SPAG6: variants seen among roughly 807,000 people sequenced by gnomAD.
SPAG6 encodes sperm-associated antigen 6.
In SPAG6, 49 loss-of-function variants were observed where a neutral mutation model predicts 58.5. The observed-to-expected ratio is 0.84, with a 90% CI of 0.67 to 1.06. The LOEUF (loss-of-function observed/expected upper bound fraction) is 1.06. Ranked by LOEUF, SPAG6 falls within the 50% of genes least tolerant of loss-of-function variation. The probability of loss-of-function intolerance (pLI) is 0.00; values close to 1 mark genes in which losing one functional copy is unlikely to be tolerated. For synonymous variants in SPAG6, 233 were observed against 225.6 expected, an observed-to-expected ratio of 1.03 and a Z score of -0.29; for missense variants, 560 against 611.3, an observed-to-expected ratio of 0.92 and a Z score of 0.89.
chr10:22,403,746 C>CA (rs1834475925), intron 9 of SPAG6, among the ~76,000 whole-genome samples: 1 of 146,314 alleles, frequency 6.8e-6, no homozygotes, highest in African/African-American at 2.6e-5. Context: ...TTTACAGTCC[C>CA]ACCAACAGTG....
chr10:22,387,738 A>T, intron 5 of SPAG6, 85 bp from the exon 6 acceptor site: 1 of 1,318,706 alleles, frequency 7.6e-7, no homozygotes, highest in Non-Finnish European at 1.0e-6. Flanking sequence ...ATTTGAATAT[A>T]TATAAAACTG....
rs777003497 is a variant in SPAG6 at position 22,368,448 on chromosome 10, T to C, written c.289-47T>C. On this transcript the variant is annotated intron_variant, in intron 3 of 10. Transcript: ENST00000376624. ...TTTGGTCTATTTTAGATTTTGGTTT[T>C]CTAAGTACTCAATTCATTTTGAGTT... 1.8e-5 allele frequency: 28 copies of C among 1,558,100 alleles called. No individual in the cohort carries two copies. In the South Asian group the frequency reaches 3.2e-4, roughly 18 times the overall value.
Position 22,386,962 on chromosome 10 carries a change from A to G in SPAG6, c.678+3A>G. The G allele has an allele frequency of 1.2e-6, 2 of 1,609,988 alleles. No individual in the cohort carries two copies. The highest frequency in any genetic ancestry group is 1.7e-5 in the Admixed American group (1 of 59,954). On this transcript the variant is annotated splice_donor_region_variant and intron_variant, in intron 5 of 10. Coordinates refer to ENST00000376624, the MANE Select transcript of SPAG6 (RefSeq NM_012443.4). ...TGAACCCTGATGCTAAATTGAAGGT[A>G]TTTCAAAATAAGGTTGAAAAATACA... is the stretch of plus-strand genomic sequence containing the variant.
intron 4 of SPAG6, among the ~76,000 whole-genome samples, chr10:22,378,122 G>T: frequency 6.9e-6 from 1 of 145,504 alleles, no homozygotes. Context: ...GGAGTGCAGC[G>T]GTGCAATCTC....
intron 4 of SPAG6, among the ~76,000 whole-genome samples, chr10:22,385,556 T>G (rs1289120794): frequency 2.0e-5 from 3 of 152,214 alleles, no homozygotes; most frequent in Admixed American, 6.5e-5. Flanking sequence ...AGCCTGTCAC[T>G]TAATAGCCTT....
At chr10:22,363,738 C>T (rs1200338121) in intron 2 of SPAG6, among the ~76,000 whole-genome samples, 1 of 152,136 alleles carries the variant, frequency 6.6e-6, no homozygotes, top group Admixed American at 6.6e-5. Context: ...TTTCTTTTTG[C>T]TCTATTTCAA....
Position 22,405,292 on chromosome 10 carries a change from T to C in SPAG6, c.1314+4015T>C, listed in dbSNP as rs1281426654. Among the ~76,000 whole-genome samples, 23 of 152,192 alleles carry C rather than the reference T, an allele frequency of 1.5e-4. No individual in the cohort carries two copies. In the East Asian group the frequency reaches 3.5e-3, roughly 23 times the overall value. ...GTGGGTTTGTCATAGATAGCTCTTA[T>C]TATTTTGAGATATGTCCCATCAATA... On this transcript the variant is annotated intron_variant, in intron 9 of 10. Transcript: ENST00000376624.
rs756064630 is a variant in SPAG6, at chr10:22,389,109, TA to T, written c.853-48del. ...GAGTGTGGCAATATTAAACTGTATT[TA>T]AAGACCATCATAGGGTCCTGGTGAT... On this transcript the variant is annotated intron_variant, in intron 6 of 10. Coordinates refer to ENST00000376624, the MANE Select transcript of SPAG6 (RefSeq NM_012443.4). 4 of 1,550,244 alleles carry T rather than the reference TA, an allele frequency of 2.6e-6. No homozygotes were observed. The South Asian group carries it at 3.5e-5, about 14-fold the overall frequency.
Position 22,387,805 on chromosome 10 carries a change from T to G in SPAG6, c.679-18T>G. On this transcript the variant is annotated intron_variant, in intron 5 of 10. Transcript: ENST00000376624. ...CTATATAGTGTTTTGTTGTTGTTGT[T>G]TTTTTTTTGCTTCACAGCATCAGAT... 2 of 1,584,788 alleles carry G rather than the reference T, an allele frequency of 1.3e-6. No individual in the cohort carries two copies. The highest frequency in any genetic ancestry group is 1.7e-6 in the Non-Finnish European group (2 of 1,168,820).
intron 4 of SPAG6, among the ~76,000 whole-genome samples, chr10:22,383,276 A>G (rs1031921243): frequency 5.9e-5 from 9 of 152,162 alleles, no homozygotes; most frequent in African/African-American, 2.2e-4. Context: ...GATTTCTCCT[A>G]TGGGAAGTGA....
intron 4 of SPAG6, among the ~76,000 whole-genome samples, chr10:22,384,252 G>T (rs1351324215): frequency 6.6e-6 from 1 of 152,190 alleles, no homozygotes; most frequent in Admixed American, 6.5e-5. Context: ...GGTATTTTCT[G>T]CTGTGTATCT....
chr10:22,411,875 G>C (rs1243593546), intron 10 of SPAG6, among the ~76,000 whole-genome samples: 1 of 106,186 alleles, frequency 9.4e-6, no homozygotes, highest in East Asian at 2.8e-4. Context: ...TTGAGACAGA[G>C]TCTTGCTCTG....
intron 4 of SPAG6, 140 bp downstream of exon 4, chr10:22,368,818 T>G: frequency 1.7e-6 from 1 of 581,260 alleles, no homozygotes; most frequent in Non-Finnish European, 2.9e-6. Context: ...ACGTTTTGAA[T>G]GATGGCCAAG....
At chr10:22,358,724 T>G (rs1002735856) in intron 2 of SPAG6, among the ~76,000 whole-genome samples, 1 of 152,160 alleles carries the variant, frequency 6.6e-6, no homozygotes, top group African/African-American at 2.4e-5. Flanking sequence ...GGTCTAACGT[T>G]TAAGTCTTTA....
intron 3 of SPAG6, among the ~76,000 whole-genome samples, chr10:22,366,610 G>T (rs1195855304): frequency 6.6e-6 from 1 of 152,260 alleles, no homozygotes; most frequent in East Asian, 1.9e-4. Context: ...TAATGGTGCA[G>T]AAATTTTCCT....
At chr10:22,395,153 A>G (rs939850966) in intron 8 of SPAG6, among the ~76,000 whole-genome samples, 2 of 152,156 alleles carry the variant, frequency 1.3e-5, no homozygotes, top group Non-Finnish European at 2.9e-5. Context: ...TTACCAGCTG[A>G]TGGACGTTGG....
rs1449536897 is a variant in SPAG6, at chr10:22,345,760, G to A, written c.63G>A (p.Val21=). Residue 21 remains valine, a synonymous_variant, in exon 2 of 11, where the codon GTG becomes GTA. Transcript: ENST00000376624. The surrounding 1 kb of genome is among the most constrained non-coding windows in gnomAD (Gnocchi z 6.3). The stretch of plus-strand genomic sequence containing the variant: ...ACCAGAAGGCCAGGACCCAGTTCGT[G>A]CAGATGGTGGCGGAGCTGGCGACTA... The part of the protein sequence containing the change: ...EQYQKARTQF[V]QMVAELATRP... 4 of 1,613,720 alleles carry A rather than the reference G, an allele frequency of 2.5e-6. No individual in the cohort carries two copies. In the South Asian group the frequency reaches 4.4e-5, roughly 18 times the overall value.
intron 2 of SPAG6, among the ~76,000 whole-genome samples, chr10:22,351,864 T>C (rs1011412184): frequency 6.6e-6 from 1 of 152,182 alleles, no homozygotes; most frequent in Admixed American, 6.5e-5. Context: ...TTATTGTTTA[T>C]TTAGTTTCTG....
At chr10:22,415,373 T>C (rs765140868) in intron 10 of SPAG6, among the ~76,000 whole-genome samples, 3 of 152,120 alleles carry the variant, frequency 2.0e-5, no homozygotes, top group Non-Finnish European at 2.9e-5. Flanking sequence ...TCCGATACAT[T>C]TGAAGGCCTA....
Sources: gnomAD v4.1 joint callset for allele counts (sites outside exome capture counted in the v4.1 genomes callset) on GRCh38, gnomAD v4.1.1 for gene constraint, Gnocchi (gnomAD v3.1) non-coding constraint, MANE v1.5 for transcripts, NCBI Gene and HGNC (gene_info 2026-07-23, HGNC 2026-07-21) for gene names.